TNNT2: variants seen among roughly 807,000 people sequenced by gnomAD.
The protein encoded by TNNT2 is troponin T, cardiac muscle.
TNNT2 carries 34 observed loss-of-function variants against 62.4 expected under a neutral mutation model. The ratio of observed to expected loss-of-function variants is 0.54; its 90% CI spans 0.41 to 0.72. The LOEUF (loss-of-function observed/expected upper bound fraction) is 0.72. Ranked by LOEUF, TNNT2 falls within the 30% of genes least tolerant of loss-of-function variation. The probability of loss-of-function intolerance (pLI) is 0.00; values close to 1 mark genes in which losing one functional copy is unlikely to be tolerated. For synonymous variants in TNNT2, 123 were observed against 127.2 expected (o/e 0.97, Z 0.22); for missense variants, 275 against 381.9 (o/e 0.72, Z 2.33).
At chr1:201,370,838 A>C (rs182832649) in intron 4 of TNNT2, among the ~76,000 whole-genome samples, 13 of 152,382 alleles carry the variant, frequency 8.5e-5, no homozygotes, top group Non-Finnish European at 1.6e-4. Context: ...AAAATCCTCC[A>C]AAACAAAGGA....
chr1:201,362,474 A>T, intron 12 of TNNT2, 80 bp from the exon 13 acceptor site: 1 of 1,549,128 alleles, frequency 6.5e-7, no homozygotes, highest in Admixed American at 1.7e-5. Context: ...AGGCAGGAAG[A>T]CAAAGGCAAG....
chr1:201,362,369 A>T lies in TNNT2; in HGVS notation c.609+17T>A. On this transcript the variant is annotated intron_variant, in intron 13 of 16. Coordinates refer to ENST00000656932, the MANE Select transcript of TNNT2 (RefSeq NM_001276345.2). ...AAACTATGGGGAGGAAGAAGGCTTGAGGTTTTTGGTACCCACCTGGGCCTG... is the reference window on the plus strand; with the variant it reads ...AAACTATGGGGAGGAAGAAGGCTTGTGGTTTTTGGTACCCACCTGGGCCTG... The T allele has an allele frequency of 6.2e-7, 1 of 1,613,678 alleles. No individual in the cohort carries two copies. Among genetic ancestry groups the T allele is most frequent in the Non-Finnish European group, 8.5e-7 (1 of 1,179,890 alleles).
chr1:201,363,962 A>C, intron 11 of TNNT2: 1 of 342,264 alleles, frequency 2.9e-6, no homozygotes, highest in Non-Finnish European at 5.5e-6. Flanking sequence ...ACCTCGGCTC[A>C]CTGCAACCTT....
intron 7 of TNNT2, chr1:201,367,130 T>G: frequency 1.7e-6 from 1 of 605,550 alleles, no homozygotes; most frequent in Non-Finnish European, 2.9e-6. Context: ...AAGCCTTCTC[T>G]CACTCACCAG....
At position 201,359,278 on chromosome 1, in the gene TNNT2, T is replaced by C. The variant is rs371692788; in HGVS notation, c.852-23A>G. The C allele has an allele frequency of 3.4e-5, 54 of 1,608,728 alleles. No homozygotes were observed. In the East Asian group the frequency reaches 5.6e-4, roughly 17 times the overall value. On this transcript the variant is annotated intron_variant, in intron 16 of 16. Coordinates refer to ENST00000656932, the MANE Select transcript of TNNT2 (RefSeq NM_001276345.2). ...GAGCTGCAGGGGAAGCAGGACGCAGTGACATGGAGACACAGGCAGGGTAGT... is the reference window on the plus strand; with the variant it reads ...GAGCTGCAGGGGAAGCAGGACGCAGCGACATGGAGACACAGGCAGGGTAGT...
chr1:201,370,232 C>A (rs1375144081), intron 4 of TNNT2, among the ~76,000 whole-genome samples: 1 of 152,192 alleles, frequency 6.6e-6, no homozygotes, highest in Non-Finnish European at 1.5e-5. Flanking sequence ...CCCTAAAGAG[C>A]AGAGAGTGGG....
In TNNT2 at chr1:201,361,373, C is replaced by A. The variant is rs201753429; in HGVS notation, c.720-4G>T. ...CCACAGCTCCTTGGCCTTCTCCCTG[C>A]ACGGGCAAGGGTGAGAATGGGGAGG... On this transcript the variant is annotated splice_region_variant and splice_polypyrimidine_tract_variant and intron_variant, in intron 14 of 16. Transcript: ENST00000656932. 2.0e-4 allele frequency: 320 copies of A among 1,613,668 alleles called. 2 individuals are homozygous for A. The Middle Eastern group carries it at 2.8e-3, about 14-fold the overall frequency.
Position 201,368,191 on chromosome 1 carries a change from T to A in TNNT2, c.134A>T (p.Glu45Val). 1 of 1,614,114 alleles carries A rather than the reference T, an allele frequency of 6.2e-7. No homozygotes were observed. The highest frequency in any genetic ancestry group is 1.1e-5 in the South Asian group (1 of 91,076). The change falls in exon 6 of 17, where the codon GAG (glutamate) becomes GTG (valine). Residue 45 changes from glutamate (E) to valine (V), a missense_variant. Glu to Val is a moderately radical substitution (Grantham distance 121). Coordinates refer to ENST00000656932, the MANE Select transcript of TNNT2 (RefSeq NM_001276345.2). ...EEAAEEDAEA[E>V]AETEETRAEE... is the part of the protein sequence containing the mutation. Reference sequence around the variant, plus strand: ...TGCCCTGGTCTCCTCGGTCTCAGCCTCTGCTTCAGCATCCTCTTCCGCTGC... The same window carrying A: ...TGCCCTGGTCTCCTCGGTCTCAGCCACTGCTTCAGCATCCTCTTCCGCTGC...
At chr1:201,367,046 G>T in intron 7 of TNNT2, 175 bp from the exon 8 acceptor site, 1 of 988,330 alleles carries the variant, frequency 1.0e-6, no homozygotes, top group Non-Finnish European at 1.5e-6. Context: ...AGGCAGCGGG[G>T]GCTGCAGATG....
At chr1:201,369,992 C>T in intron 4 of TNNT2, 147 bp from the exon 5 acceptor site, 1 of 840,170 alleles carries the variant, frequency 1.2e-6, no homozygotes, top group Admixed American at 2.0e-5. Context: ...ATTCCCAAGC[C>T]ACTACTTTCC....
At chr1:201,362,269 C>T in intron 13 of TNNT2, 117 bp downstream of exon 13, 1 of 1,516,004 alleles carries the variant, frequency 6.6e-7, no homozygotes, top group Non-Finnish European at 9.0e-7. Context: ...CACCAGCTTC[C>T]CCCCTCCCCA....
chr1:201,376,680 G>A (rs562155701), intron 1 of TNNT2, among the ~76,000 whole-genome samples: 2 of 152,294 alleles, frequency 1.3e-5, no homozygotes, highest in Admixed American at 6.5e-5. Context: ...CCAGGAATGT[G>A]CTCTGAAATT....
chr1:201,359,700 G>A, intron 15 of TNNT2, 37 bp from the exon 16 acceptor site: 1 of 1,566,654 alleles, frequency 6.4e-7, no homozygotes, highest in Non-Finnish European at 8.7e-7. Flanking sequence ...AGCAACGCTG[G>A]AGCTGACTGG....
intron 4 of TNNT2, among the ~76,000 whole-genome samples, chr1:201,371,251 T>A (rs140348628): frequency 2.1e-4 from 32 of 152,194 alleles, no homozygotes; most frequent in African/African-American, 7.7e-4. Flanking sequence ...AGCCTCTGAG[T>A]CATTTCCATG....
chr1:201,377,650 T>A lies in TNNT2; in HGVS notation c.-42A>T. On this transcript the variant is annotated 5_prime_UTR_variant, in exon 1 of 17. Coordinates refer to ENST00000656932, the MANE Select transcript of TNNT2 (RefSeq NM_001276345.2). ...CAGAACAGCAGCTGCCGACAGATCC[T>A]GGAGGCGTCTGCTCAGTCTCAGCGG... 4 of 456,242 alleles carry A rather than the reference T, an allele frequency of 8.8e-6. No homozygotes were observed. Among genetic ancestry groups the A allele is most frequent in the South Asian group, 4.6e-5 (3 of 64,560 alleles). 28.3% of individuals were successfully genotyped at this position (456,242 alleles called of 1,614,324 possible).
intron 8 of TNNT2, chr1:201,366,518 C>T: frequency 1.6e-6 from 2 of 1,241,668 alleles, no homozygotes; most frequent in Non-Finnish European, 2.0e-6. Context: ...CAAGGTCCCA[C>T]CTCGGCCATG....
rs1050772817 is a variant in TNNT2, at chr1:201,377,657, G to A, written c.-49C>T. On this transcript the variant is annotated 5_prime_UTR_variant, in exon 1 of 17. It adds an upstream start codon to the 5' untranslated region. Transcript: ENST00000656932. ...GCAGCTGCCGACAGATCCTGGAGGC[G>A]TCTGCTCAGTCTCAGCGGGGACTGG... is the stretch of plus-strand genomic sequence containing the variant. 6.6e-5 allele frequency: 30 copies of A among 456,178 alleles called. No homozygotes were observed. The highest frequency in any genetic ancestry group is 4.6e-4 in the African/African-American group (23 of 50,080). The allele number at this position is 456,178 out of a possible 1,614,324, so 28.3% of individuals were successfully genotyped here.
rs2102261570 is a variant in TNNT2 at position 201,365,265 on chromosome 1, G to C, written c.337C>G (p.Gln113Glu). The change falls in exon 10 of 17, where the codon CAG becomes GAG. Residue 113 changes from glutamine (Q) to glutamate (E), a missense_variant. By Grantham distance (29) the Gln-to-Glu change is conservative. Coordinates refer to ENST00000656932, the MANE Select transcript of TNNT2 (RefSeq NM_001276345.2). ...TCAAAGTGAGCCTCGATCAGCGCCT[G>C]CAACTCATTCAGGTCCTTCTCCATG... ...KRMEKDLNEL[Q>E]ALIEAHFENR... 2 of 1,614,200 alleles carry C rather than the reference G, an allele frequency of 1.2e-6. No individual in the cohort carries two copies. The highest frequency in any genetic ancestry group is 1.7e-6 in the Non-Finnish European group (2 of 1,180,032).
intron 1 of TNNT2, chr1:201,375,121 A>G (rs1210077624): frequency 2.6e-5 from 4 of 152,346 alleles, no homozygotes; most frequent in African/African-American, 9.7e-5. Flanking sequence ...GCTGAGACCA[A>G]TCCCAGGCAC....
Sources: allele counts gnomAD v4.1 joint callset (sites outside exome capture counted in the v4.1 genomes callset), GRCh38; gene constraint gnomAD v4.1.1; transcripts MANE v1.5; gene names NCBI Gene and HGNC (gene_info 2026-07-23, HGNC 2026-07-21).